The following KLRF1 variants were observed in gnomAD, a reference collection of about 807,000 sequenced individuals.
KLRF1 encodes killer cell lectin like receptor F1, also known as killer cell lectin-like receptor subfamily F member 1.
Under a neutral mutation model 30.7 loss-of-function variants are expected in KLRF1, and 27 were observed. That is an observed-to-expected ratio of 0.88 (90% CI 0.65 to 1.21). The LOEUF (loss-of-function observed/expected upper bound fraction) is 1.21, where lower values mean the gene tolerates loss of function less well. Among genes scored for constraint, KLRF1 ranks in the 50% most tolerant of loss-of-function variants. KLRF1 has a pLI of 0.00. For missense variants in KLRF1, 246 were observed against 259.3 expected, an observed-to-expected ratio of 0.95 and a Z score of 0.35; for synonymous variants, 92 against 89.3, an observed-to-expected ratio of 1.03 and a Z score of -0.17.
intron 3 of KLRF1, among the ~76,000 whole-genome samples, chr12:9,838,349 G>A (rs1030966050): frequency 6.6e-6 from 1 of 151,896 alleles, no homozygotes; most frequent in Non-Finnish European, 1.5e-5. Flanking sequence ...TGATTTTTCT[G>A]GGGGGGTGAA....
At chr12:9,834,908 T>C (rs913188919) in intron 3 of KLRF1, among the ~76,000 whole-genome samples, 9 of 151,908 alleles carry the variant, frequency 5.9e-5, no homozygotes, top group South Asian at 2.1e-4. Context: ...TTTTGGAGGA[T>C]AACTGCAGCT....
At chr12:9,824,665 A>G (rs1003201855), upstream of KLRF1, among the ~76,000 whole-genome samples, 4 of 152,192 alleles carry the variant, frequency 2.6e-5, no homozygotes, top group African/African-American at 9.7e-5. Flanking sequence ...GGAAGAGAGG[A>G]CGTAAAACTA....
chr12:9,843,472 T>G (rs1303257289), intron 5 of KLRF1, among the ~76,000 whole-genome samples: 1 of 152,232 alleles, frequency 6.6e-6, no homozygotes, highest in Non-Finnish European at 1.5e-5. Flanking sequence ...TATTCATCAT[T>G]AAATATTACA....
In KLRF1 at chr12:9,832,179, AGCCTTCAT is replaced by A. The variant is rs1867443929; in HGVS notation, c.86-134_86-127del. Reference sequence around the variant, plus strand: ...AATGTATATATTTTTCTATTTACTTAGCCTTCATGCTTTTGATTGCCTAATATCTTTTG... The same window carrying A: ...AATGTATATATTTTTCTATTTACTTAGCTTTTGATTGCCTAATATCTTTTG... On this transcript the variant is annotated intron_variant, in intron 1 of 5. Transcript: ENST00000617889. 3 of 521,070 alleles carry A rather than the reference AGCCTTCAT, an allele frequency of 5.8e-6. No individual in the cohort carries two copies. The South Asian group carries it at 9.9e-5, about 17-fold the overall frequency. The allele number at this position is 521,070 out of a possible 1,614,324, so 32.3% of individuals were successfully genotyped here.
At chr12:9,829,537 G>A (rs1227750063) in intron 1 of KLRF1, among the ~76,000 whole-genome samples, 1 of 152,170 alleles carries the variant, frequency 6.6e-6, no homozygotes, top group African/African-American at 2.4e-5. Flanking sequence ...ATGATCGCTT[G>A]AGGCCAGGAG....
chr12:9,834,420 G>C (rs1222802715), intron 3 of KLRF1, among the ~76,000 whole-genome samples: 1 of 151,948 alleles, frequency 6.6e-6, no homozygotes, highest in Non-Finnish European at 1.5e-5. Context: ...ATTTGGGTGC[G>C]GGGGGTAGCA....
the KLRF1 span, among the ~76,000 whole-genome samples, chr12:9,808,795 G>T: frequency 1.3e-5 from 2 of 152,086 alleles, no homozygotes; most frequent in East Asian, 3.9e-4. Flanking sequence ...TATTCTTGGT[G>T]TTAAAAGACT....
At chr12:9,822,188 T>A in the KLRF1 span, among the ~76,000 whole-genome samples, 1 of 152,054 alleles carries the variant, frequency 6.6e-6, no homozygotes, top group African/African-American at 2.4e-5. Flanking sequence ...ATGACAGAAA[T>A]AGAATTCCGA....
At chr12:9,840,259 A>G (rs1175165966) in intron 3 of KLRF1, among the ~76,000 whole-genome samples, 1 of 152,104 alleles carries the variant, frequency 6.6e-6, no homozygotes, top group Non-Finnish European at 1.5e-5. Flanking sequence ...CTAGAATGAG[A>G]TAGTAGTGAT....
intron 3 of KLRF1, among the ~76,000 whole-genome samples, chr12:9,834,461 C>T (rs1017892122): frequency 6.6e-6 from 1 of 151,968 alleles, no homozygotes; most frequent in African/African-American, 2.4e-5. Flanking sequence ...TTTCTCAGGG[C>T]TTCTTCGAGC....
upstream of KLRF1, among the ~76,000 whole-genome samples, chr12:9,827,177 G>T (rs1867299781): frequency 6.6e-6 from 1 of 151,942 alleles, no homozygotes; most frequent in African/African-American, 2.4e-5. Flanking sequence ...AAATATTTAG[G>T]CTATAACAAA....
upstream of KLRF1, among the ~76,000 whole-genome samples, chr12:9,823,258 A>C (rs1300506016): frequency 6.6e-6 from 1 of 152,006 alleles, no homozygotes; most frequent in Non-Finnish European, 1.5e-5. Context: ...AAACCAAAAA[A>C]CAAAAAAAGC....
chr12:9,832,580 T>C (rs992209963), intron 2 of KLRF1, among the ~76,000 whole-genome samples, 166 bp downstream of exon 2: 8 of 152,090 alleles, frequency 5.3e-5, no homozygotes, highest in African/African-American at 1.9e-4. Context: ...CTATATTTAA[T>C]ATGCAGTCAA....
the KLRF1 span, among the ~76,000 whole-genome samples, chr12:9,809,498 G>T: frequency 6.6e-6 from 1 of 152,080 alleles, no homozygotes; most frequent in Admixed American, 6.5e-5. Flanking sequence ...TTATTTCCAG[G>T]AACTAAAGCT....
the KLRF1 span, among the ~76,000 whole-genome samples, chr12:9,800,770 A>G: frequency 3.3e-5 from 5 of 151,822 alleles, no homozygotes; most frequent in Non-Finnish European, 7.4e-5. Context: ...ACAGTCCTTT[A>G]TCTGATATGT....
At position 9,844,258 on chromosome 12, in the gene KLRF1, G is replaced by A. The variant is rs193220788; in HGVS notation, c.588-160G>A. ...ACTCTTGACCAACCACAGCTAACAA[G>A]GCTAAGTTACAGTTACTGTAATCGT... On this transcript the variant is annotated intron_variant, in intron 5 of 5. Transcript: ENST00000617889. 2.0e-3 allele frequency among the ~76,000 whole-genome samples: 312 copies of A among 152,242 alleles called. 3 individuals are homozygous for A. The highest frequency in any genetic ancestry group is 2.5e-3 in the Non-Finnish European group (172 of 68,002).
chr12:9,827,017 C>T (rs1867295703), upstream of KLRF1, among the ~76,000 whole-genome samples: 1 of 151,762 alleles, frequency 6.6e-6, no homozygotes. Context: ...TAGCCCTGAA[C>T]CTAAAAGTTA....
upstream of KLRF1, among the ~76,000 whole-genome samples, chr12:9,826,424 CT>C (rs1867284431): frequency 6.6e-6 from 1 of 152,074 alleles, no homozygotes; most frequent in Non-Finnish European, 1.5e-5. Context: ...ACTTATACAC[CT>C]TTGATGGGAG....
At chr12:9,802,734 C>T in the KLRF1 span, among the ~76,000 whole-genome samples, 690 of 151,980 alleles carry the variant, frequency 4.5e-3, 5 homozygotes, top group Middle Eastern at 0.01. Flanking sequence ...GAATAAAATA[C>T]CTAGGAATAC....
Sources: allele counts gnomAD v4.1 joint callset (sites outside exome capture counted in the v4.1 genomes callset), GRCh38; gene constraint gnomAD v4.1.1; transcripts MANE v1.5; gene names NCBI Gene and HGNC (gene_info 2026-07-23, HGNC 2026-07-21).